GALNT14: variants seen among roughly 807,000 people sequenced by gnomAD.
The protein encoded by GALNT14 is UDP-GalNAc:polypeptide N-acetylgalactosaminyltransferase 14.
In GALNT14, 60 loss-of-function variants were observed where a neutral mutation model predicts 77.5. The observed-to-expected ratio is 0.77, with a 90% CI of 0.63 to 0.96. The LOEUF (loss-of-function observed/expected upper bound fraction) is 0.96, where lower values mean the gene tolerates loss of function less well. GALNT14 is among the 40% of genes least tolerant of loss of function. The probability of loss-of-function intolerance (pLI) is 0.00; values close to 1 mark genes in which losing one functional copy is unlikely to be tolerated. For synonymous variants in GALNT14, 280 were observed against 281.7 expected (o/e 0.99, Z 0.06); for missense variants, 710 against 731.0 (o/e 0.97, Z 0.33).
chr2:31,137,815 G>A, intron 1 of GALNT14, 143 bp downstream of exon 1: 6 of 1,051,168 alleles, frequency 5.7e-6, no homozygotes, highest in South Asian at 1.7e-5. Context: ...AACATCACAT[G>A]GTAGCCACAT....
chr2:30,953,444 G>C (rs549221859), intron 6 of GALNT14, among the ~76,000 whole-genome samples: 2 of 151,972 alleles, frequency 1.3e-5, no homozygotes, highest in South Asian at 4.2e-4. Flanking sequence ...GAGTAGCTGG[G>C]ACTACAGGTG....
At chr2:30,944,094 C>A (rs765460146) in intron 8 of GALNT14, among the ~76,000 whole-genome samples, 8 of 152,230 alleles carry the variant, frequency 5.3e-5, no homozygotes, top group African/African-American at 1.9e-4. Context: ...CCTCCTGCTG[C>A]CCTGCCTGAG....
At chr2:31,087,431 T>C (rs1192286669) in intron 1 of GALNT14, among the ~76,000 whole-genome samples, 1 of 84,230 alleles carries the variant, frequency 1.2e-5, no homozygotes, top group Non-Finnish European at 2.7e-5. Flanking sequence ...TTCTGAAAAG[T>C]TAGGGGATCT....
intron 13 of GALNT14, among the ~76,000 whole-genome samples, chr2:30,921,309 C>T (rs906880344): frequency 6.6e-6 from 1 of 152,204 alleles, no homozygotes; most frequent in African/African-American, 2.4e-5. Context: ...GGGAAGACAA[C>T]ACTCTGGCTG....
chr2:31,070,417 G>C (rs985029887), intron 1 of GALNT14, among the ~76,000 whole-genome samples: 2 of 152,222 alleles, frequency 1.3e-5, no homozygotes, highest in African/African-American at 4.8e-5. Flanking sequence ...GATGCTGAGA[G>C]ACCTCTGGGT....
chr2:30,996,964 G>A (rs1406622969), intron 1 of GALNT14, among the ~76,000 whole-genome samples: 1 of 152,108 alleles, frequency 6.6e-6, no homozygotes, highest in Admixed American at 6.6e-5. Flanking sequence ...ACTACATAAA[G>A]AATAAATAAA....
chr2:30,906,407 T>G (rs1304506403), downstream of GALNT14, among the ~76,000 whole-genome samples: 2 of 149,026 alleles, frequency 1.3e-5, no homozygotes, highest in Non-Finnish European at 3.0e-5. Flanking sequence ...GGGGTTGCAA[T>G]CCTAGTCTCT....
rs372232651 is a variant in GALNT14, at chr2:30,958,480, A to C, written c.399-16T>G. ...GTTTAATACACTGCAAGATGGAAAC[A>C]GAAAAAAATCACTGGAACTTCTAGT... On this transcript the variant is annotated splice_polypyrimidine_tract_variant and intron_variant, in intron 3 of 14. Coordinates refer to ENST00000349752, the MANE Select transcript of GALNT14 (RefSeq NM_024572.4). The C allele has an allele frequency of 1.2e-6, 2 of 1,611,992 alleles. No individual in the cohort carries two copies. The highest frequency in any genetic ancestry group is 1.7e-6 in the Non-Finnish European group (2 of 1,178,322).
chr2:30,932,540 C>T (rs151272202), intron 9 of GALNT14, among the ~76,000 whole-genome samples: 13 of 152,310 alleles, frequency 8.5e-5, no homozygotes, highest in African/African-American at 2.9e-4. Context: ...TTCTAACTTG[C>T]GGAAGAATTC....
intron 1 of GALNT14, among the ~76,000 whole-genome samples, chr2:31,064,815 G>A (rs1346025688): frequency 6.6e-6 from 1 of 152,032 alleles, no homozygotes; most frequent in African/African-American, 2.4e-5. Flanking sequence ...TGGGGAAGAA[G>A]GAGTAAGTAT....
chr2:30,895,824 C>T, the GALNT14 span, among the ~76,000 whole-genome samples: 1 of 151,998 alleles, frequency 6.6e-6, no homozygotes, highest in Non-Finnish European at 1.5e-5. Flanking sequence ...CTCTCCCATG[C>T]TTGTTGTCCC....
intron 1 of GALNT14, among the ~76,000 whole-genome samples, chr2:31,012,297 C>T (rs1213323947): frequency 1.3e-5 from 2 of 152,188 alleles, no homozygotes; most frequent in Non-Finnish European, 1.5e-5. Flanking sequence ...GGCATCCTTC[C>T]ATTAAACTGC....
chr2:31,032,244 G>A (rs1347657822), intron 1 of GALNT14, among the ~76,000 whole-genome samples: 1 of 152,186 alleles, frequency 6.6e-6, no homozygotes, highest in Non-Finnish European at 1.5e-5. Flanking sequence ...GATCCCTGGG[G>A]AACTGGTGGG....
chr2:31,109,168 G>A (rs1573361780), intron 1 of GALNT14, among the ~76,000 whole-genome samples: 1 of 152,330 alleles, frequency 6.6e-6, no homozygotes, highest in East Asian at 1.9e-4. Flanking sequence ...GAATGCAGCT[G>A]TTAGTTACTG....
intron 10 of GALNT14, among the ~76,000 whole-genome samples, chr2:30,930,594 G>A (rs1665666828): frequency 6.6e-6 from 1 of 152,224 alleles, no homozygotes; most frequent in Non-Finnish European, 1.5e-5. Flanking sequence ...CTGGTGGCCT[G>A]GGCAGCAGTG....
At chr2:31,114,732 A>G in intron 1 of GALNT14, 1 of 715,910 alleles carries the variant, frequency 1.4e-6, no homozygotes, top group East Asian at 2.7e-5. Context: ...AAATGGAAGT[A>G]AAGAATTTAC....
intron 1 of GALNT14, chr2:31,129,376 CT>C: frequency 2.0e-6 from 2 of 985,424 alleles, no homozygotes; most frequent in African/African-American, 3.5e-5. Flanking sequence ...AAAGCTACCT[CT>C]TATCTTCTTT....
At chr2:31,041,476 T>TC (rs976114989) in intron 1 of GALNT14, among the ~76,000 whole-genome samples, 8 of 151,968 alleles carry the variant, frequency 5.3e-5, no homozygotes, top group Non-Finnish European at 1.2e-4. Flanking sequence ...AGATACAGGG[T>TC]CCTACCTGTC....
intron 1 of GALNT14, among the ~76,000 whole-genome samples, chr2:31,021,489 A>G (rs1671715758): frequency 6.6e-6 from 1 of 151,830 alleles, no homozygotes; most frequent in Non-Finnish European, 1.5e-5. Flanking sequence ...TATATTTAGT[A>G]GAGACAGGGT....
Sources: gnomAD v4.1 joint callset for allele counts (sites outside exome capture counted in the v4.1 genomes callset) on GRCh38, gnomAD v4.1.1 for gene constraint, MANE v1.5 for transcripts, NCBI Gene and HGNC (gene_info 2026-07-23, HGNC 2026-07-21) for gene names.